The following ITGA9 variants were observed in gnomAD, a reference collection of about 807,000 sequenced individuals.
The protein encoded by ITGA9 is integrin alpha-9.
ITGA9 carries 56 observed loss-of-function variants against 127.8 expected under a neutral mutation model. The ratio of observed to expected loss-of-function variants is 0.44; its 90% CI spans 0.35 to 0.55. ITGA9 has a LOEUF of 0.55. ITGA9 is among the 20% of genes least tolerant of loss of function. The probability of loss-of-function intolerance (pLI) is 0.00; values close to 1 mark genes in which losing one functional copy is unlikely to be tolerated. For missense variants in ITGA9, 1,196 were observed against 1,347.1 expected (o/e 0.89, Z 1.76); for synonymous variants, 508 against 514.5 (o/e 0.99, Z 0.17).
intron 15 of ITGA9, among the ~76,000 whole-genome samples, chr3:37,577,173 A>G (rs2125607843): frequency 6.6e-6 from 1 of 152,280 alleles, no homozygotes; most frequent in Middle Eastern, 3.4e-3. Context: ...TACAGACATG[A>G]CACCACCCTG....
At chr3:37,717,335 A>C (rs1480308326) in intron 18 of ITGA9, among the ~76,000 whole-genome samples, 1 of 152,242 alleles carries the variant, frequency 6.6e-6, no homozygotes, top group Non-Finnish European at 1.5e-5. Context: ...TACATCAGGC[A>C]GTTTATGAAT....
chr3:37,471,131 C>G lies in ITGA9; in HGVS notation c.310C>G (p.Arg104Gly). 1.9e-6 allele frequency: 3 copies of G among 1,613,936 alleles called. No individual in the cohort carries two copies. Among genetic ancestry groups the G allele is most frequent in the Non-Finnish European group, 2.5e-6 (3 of 1,179,934 alleles). Reference protein sequence around the residue: ...DRRCTELDMARGKNRGTSCGK... With the variant: ...DRRCTELDMAGGKNRGTSCGK... ...GAGATGCACCGAACTGGACATGGCT[C>G]GAGGTGGGTGACCATTACTGCTGTG... The change falls in exon 2 of 28, where the codon CGA becomes GGA. Residue 104 changes from arginine to glycine, a missense_variant. Coordinates refer to ENST00000264741, the MANE Select transcript of ITGA9 (RefSeq NM_002207.3).
intron 27 of ITGA9, among the ~76,000 whole-genome samples, chr3:37,817,677 C>G (rs1575253091): frequency 1.3e-5 from 2 of 152,086 alleles, no homozygotes; most frequent in South Asian, 4.1e-4. Context: ...TGTTAGTGAG[C>G]CAAGGACGAG....
chr3:37,622,648 G>A (rs958286280), intron 15 of ITGA9, among the ~76,000 whole-genome samples: 1 of 152,036 alleles, frequency 6.6e-6, no homozygotes, highest in Non-Finnish European at 1.5e-5. Flanking sequence ...TTTGAGATCA[G>A]CCTGGCCAAC....
chr3:37,545,884 C>T (rs1699321515), intron 15 of ITGA9, among the ~76,000 whole-genome samples: 1 of 152,196 alleles, frequency 6.6e-6, no homozygotes, highest in African/African-American at 2.4e-5. Flanking sequence ...ATGACCTGCC[C>T]CTTTCCTCCT....
At chr3:37,809,784 C>T in intron 27 of ITGA9, among the ~76,000 whole-genome samples, 1 of 152,114 alleles carries the variant, frequency 6.6e-6, no homozygotes, top group African/African-American at 2.4e-5. Context: ...CTCTGATTCC[C>T]ATGTCTACAA....
chr3:37,481,645 C>T lies in ITGA9; in HGVS notation c.544+38C>T. The T allele has an allele frequency of 3.1e-6, 5 of 1,613,794 alleles. No homozygotes were observed. In the South Asian group the frequency reaches 3.3e-5, roughly 11 times the overall value. On this transcript the variant is annotated intron_variant, in intron 4 of 27. Coordinates refer to ENST00000264741, the MANE Select transcript of ITGA9 (RefSeq NM_002207.3). ...TGATTTTTCCTCATCCCCCTACCCACCTCATGCCCTAAGCCCGCCTTCCCA... is the reference window on the plus strand; with the variant it reads ...TGATTTTTCCTCATCCCCCTACCCATCTCATGCCCTAAGCCCGCCTTCCCA...
At chr3:37,653,563 C>G (rs990620518) in intron 16 of ITGA9, 151 bp from the exon 17 acceptor site, 1 of 742,844 alleles carries the variant, frequency 1.3e-6, no homozygotes, top group Non-Finnish European at 2.5e-6. Flanking sequence ...CCCCTTCCCA[C>G]GCTGGAGAGC....
At chr3:37,808,950 G>A (rs966011814) in intron 27 of ITGA9, 3 of 152,156 alleles carry the variant, frequency 2.0e-5, no homozygotes, top group Non-Finnish European at 4.4e-5. Flanking sequence ...TATTCTGTTG[G>A]TAAAAGCAGT....
chr3:37,676,582 G>T (rs937071907), intron 17 of ITGA9, among the ~76,000 whole-genome samples: 1 of 152,218 alleles, frequency 6.6e-6, no homozygotes, highest in Non-Finnish European at 1.5e-5. Context: ...GTCTGTGCAG[G>T]TTACACAGTG....
chr3:37,531,572 G>A (rs1159920996), intron 13 of ITGA9, among the ~76,000 whole-genome samples: 1 of 152,140 alleles, frequency 6.6e-6, no homozygotes, highest in African/African-American at 2.4e-5. Context: ...TCCCTGACGA[G>A]GTGGCCCCTG....
chr3:37,746,162 C>T lies in ITGA9; in HGVS notation c.2433+2128C>T, dbSNP rs144980941. Among the ~76,000 whole-genome samples the T allele has an allele frequency of 1.6e-4, 24 of 152,270 alleles. No individual in the cohort carries two copies. The East Asian group carries it at 2.1e-3, about 13-fold the overall frequency. On this transcript the variant is annotated intron_variant, in intron 22 of 27. Coordinates refer to ENST00000264741, the MANE Select transcript of ITGA9 (RefSeq NM_002207.3). Reference sequence around the variant, plus strand: ...ATACTGTGGAAGGAGGCCAGGAATACGGAGAAAATGTTTCTATATTTCCTT... The same window carrying T: ...ATACTGTGGAAGGAGGCCAGGAATATGGAGAAAATGTTTCTATATTTCCTT...
At position 37,618,066 on chromosome 3, in the gene ITGA9, C is replaced by T. The variant is rs995075844; in HGVS notation, c.1690-11121C>T. On this transcript the variant is annotated intron_variant, in intron 15 of 27. Coordinates refer to ENST00000264741, the MANE Select transcript of ITGA9 (RefSeq NM_002207.3). The stretch of plus-strand genomic sequence containing the variant: ...ATTTTTAGAGTTTCCAGTTTTTCTG[C>T]TCTGTTTTTTCCCCATCTTTGTGGT... Among the ~76,000 whole-genome samples, 7 of 152,304 alleles carry T rather than the reference C, an allele frequency of 4.6e-5. No individual in the cohort carries two copies. The South Asian group carries it at 6.2e-4, about 14-fold the overall frequency.
chr3:37,677,158 G>A (rs539431125), intron 17 of ITGA9, among the ~76,000 whole-genome samples: 1 of 152,262 alleles, frequency 6.6e-6, no homozygotes, highest in South Asian at 2.1e-4. Flanking sequence ...CATTCAGGAG[G>A]TGCCTGACAG....
intron 14 of ITGA9, among the ~76,000 whole-genome samples, chr3:37,541,887 G>T (rs1301134805): frequency 6.6e-6 from 1 of 152,146 alleles, no homozygotes; most frequent in South Asian, 2.1e-4. Flanking sequence ...AAACGATGGC[G>T]GGCACATGGT....
chr3:37,701,196 T>G (rs2125672825), intron 18 of ITGA9, among the ~76,000 whole-genome samples: 1 of 152,330 alleles, frequency 6.6e-6, no homozygotes, highest in Middle Eastern at 3.4e-3. Flanking sequence ...TTGCAGGCCC[T>G]TGATAGGGCT....
chr3:37,558,840 T>C (rs756780461), intron 15 of ITGA9, among the ~76,000 whole-genome samples: 2 of 152,196 alleles, frequency 1.3e-5, no homozygotes, highest in Non-Finnish European at 2.9e-5. Flanking sequence ...CCGAGCTTTT[T>C]CCCCTGGGCT....
intron 25 of ITGA9, 52 bp from the exon 26 acceptor site, chr3:37,784,925 C>A (rs1383701138): frequency 1.2e-5 from 17 of 1,467,622 alleles, no homozygotes; most frequent in Non-Finnish European, 1.6e-5. Context: ...TCTCAAGGCC[C>A]AGCCATTATC....
At chr3:37,795,274 G>T (rs1482882086) in intron 26 of ITGA9, among the ~76,000 whole-genome samples, 2 of 152,212 alleles carry the variant, frequency 1.3e-5, no homozygotes, top group Admixed American at 1.3e-4. Context: ...TCCAGCAGAA[G>T]CCTGGGTGAG....
Sources: gnomAD v4.1 joint callset for allele counts (sites outside exome capture counted in the v4.1 genomes callset) on GRCh38, gnomAD v4.1.1 for gene constraint, MANE v1.5 for transcripts, NCBI Gene and HGNC (gene_info 2026-07-23, HGNC 2026-07-21) for gene names.